The following C3orf62 variants were observed in gnomAD, a reference collection of about 807,000 sequenced individuals.
C3orf62 encodes chromosome 3 open reading frame 62.
In C3orf62, 16 loss-of-function variants were observed where a neutral mutation model predicts 21.7. The ratio of observed to expected loss-of-function variants is 0.74; its 90% CI spans 0.50 to 1.12. The LOEUF (loss-of-function observed/expected upper bound fraction) is 1.12. Among genes scored for constraint, C3orf62 ranks in the 50% most tolerant of loss-of-function variants. C3orf62 has a pLI of 0.00. For synonymous variants in C3orf62, 114 were observed against 117.0 expected, an observed-to-expected ratio of 0.97 and a Z score of 0.17; for missense variants, 310 against 318.8, an observed-to-expected ratio of 0.97 and a Z score of 0.21.
At position 49,276,903 on chromosome 3, in the gene C3orf62, A is replaced by G; in HGVS notation, c.-31T>C. 1 of 1,579,658 alleles carries G rather than the reference A, an allele frequency of 6.3e-7. No individual in the cohort carries two copies. The highest frequency in any genetic ancestry group is 8.6e-7 in the Non-Finnish European group (1 of 1,162,664). On this transcript the variant is annotated 5_prime_UTR_variant, in exon 1 of 3. Transcript: ENST00000343010. ...ATGCACAGGACAACACAATAATGTTACAAATGAGGCTGCAAACTACCCCTG... is the reference window on the plus strand; with the variant it reads ...ATGCACAGGACAACACAATAATGTTGCAAATGAGGCTGCAAACTACCCCTG...
Position 49,276,986 on chromosome 3 carries a change from G to T in C3orf62, c.-114C>A. On this transcript the variant is annotated 5_prime_UTR_variant, in exon 1 of 3. Transcript: ENST00000343010. ...CTATAGCAGGACCCACAACCCTCGGGCTTTCCTCCTGGAGTAGGCGGTTCT... is the reference window on the plus strand; with the variant it reads ...CTATAGCAGGACCCACAACCCTCGGTCTTTCCTCCTGGAGTAGGCGGTTCT... 1.4e-6 allele frequency: 2 copies of T among 1,479,668 alleles called. No individual in the cohort carries two copies. Among genetic ancestry groups the T allele is most frequent in the Non-Finnish European group, 1.8e-6 (2 of 1,118,588 alleles). The allele number at this position is 1,479,668 out of a possible 1,614,324, so 91.7% of individuals were successfully genotyped here. A position where few individuals can be genotyped will look rare whatever the true frequency, so the allele number is the denominator to read the frequency against.
At chr3:49,275,810 G>A (rs1029724101) in intron 1 of C3orf62, among the ~76,000 whole-genome samples, 1 of 151,962 alleles carries the variant, frequency 6.6e-6, no homozygotes, top group African/African-American at 2.4e-5. Context: ...GATTACAAGT[G>A]TGAGCCACCG....
chr3:49,276,376 A>C, intron 1 of C3orf62, 51 bp downstream of exon 1: 1 of 1,543,344 alleles, frequency 6.5e-7, no homozygotes, highest in Non-Finnish European at 8.8e-7. Context: ...ACTTTTTCAG[A>C]AACAAGAATC....
chr3:49,274,969 G>A (rs1379067989), intron 1 of C3orf62, among the ~76,000 whole-genome samples: 3 of 150,770 alleles, frequency 2.0e-5, no homozygotes, highest in Admixed American at 6.6e-5. Flanking sequence ...ACAGGCGGCC[G>A]CAACGGCACC....
chr3:49,270,354 CTTT>C lies in C3orf62; in HGVS notation c.*823_*825del, dbSNP rs551648533. On this transcript the variant is annotated 3_prime_UTR_variant, in exon 3 of 3. Transcript: ENST00000343010. ...CCTGAGATTCAGTTTCCTTTCTTCC[CTTT>C]TTTTTTCTTTTTTTTTTTGAGACAG... is the stretch of plus-strand genomic sequence containing the variant. 251 of 151,108 alleles carry C rather than the reference CTTT, an allele frequency of 1.7e-3. No individual in the cohort carries two copies. Among genetic ancestry groups the C allele is most frequent in the Non-Finnish European group, 2.4e-3 (165 of 67,936 alleles). 9.4% of individuals were successfully genotyped at this position (151,108 alleles called of 1,614,324 possible). A position where few individuals can be genotyped will look rare whatever the true frequency, so the allele number is the denominator to read the frequency against.
Position 49,277,015 on chromosome 3 carries a change from C to G in C3orf62, c.-143G>C. 2.1e-6 allele frequency: 3 copies of G among 1,462,760 alleles called. No individual in the cohort carries two copies. The highest frequency in any genetic ancestry group is 2.7e-6 in the Non-Finnish European group (3 of 1,110,378). The allele number at this position is 1,462,760 out of a possible 1,614,324, so 90.6% of individuals were successfully genotyped here. ...TCCTCCTGGAGTAGGCGGTTCTCGG[C>G]TCTCGCGGAGGAACCCGCCATCTGC... On this transcript the variant is annotated 5_prime_UTR_variant, in exon 1 of 3. Coordinates refer to ENST00000343010, the MANE Select transcript of C3orf62 (RefSeq NM_198562.3).
At chr3:49,271,551 T>C (rs889036779) in intron 2 of C3orf62, 106 bp from the exon 3 acceptor site, 1 of 1,385,812 alleles carries the variant, frequency 7.2e-7, no homozygotes, top group African/African-American at 1.4e-5. Context: ...TCAGGGATTG[T>C]GTAAAAGCAG....
rs1026934375 is a variant in C3orf62 at position 49,270,997 on chromosome 3, T to C, written c.*183A>G. The C allele has an allele frequency of 9.8e-6, 6 of 611,744 alleles. No individual in the cohort carries two copies. The highest frequency in any genetic ancestry group is 1.7e-5 in the Non-Finnish European group (6 of 351,594). 37.9% of individuals were successfully genotyped at this position (611,744 alleles called of 1,614,324 possible). A position where few individuals can be genotyped will look rare whatever the true frequency, so the allele number is the denominator to read the frequency against. On this transcript the variant is annotated 3_prime_UTR_variant, in exon 3 of 3. Coordinates refer to ENST00000343010, the MANE Select transcript of C3orf62 (RefSeq NM_198562.3). Reference sequence around the variant, plus strand: ...AGTAATAGGAAACATTTCAAAGCAATGGAATTCAAAAAACTGGTCTCACAG... The same window carrying C: ...AGTAATAGGAAACATTTCAAAGCAACGGAATTCAAAAAACTGGTCTCACAG...
Position 49,271,354 on chromosome 3 carries a change from T to A in C3orf62, c.630A>T (p.Ser210=). The A allele has an allele frequency of 6.2e-7, 1 of 1,614,222 alleles. No individual in the cohort carries two copies. Among genetic ancestry groups the A allele is most frequent in the Non-Finnish European group, 8.5e-7 (1 of 1,180,044 alleles). Residue 210 remains serine (S), a synonymous_variant, in exon 3 of 3, where the codon TCA becomes TCT. Transcript: ENST00000343010. The part of the protein sequence containing the change: ...LNHMCGHCQD[S]PFKEEAWALL... ...GGGCCCAGGCTTCCTCTTTGAAGGG[T>A]GAATCTTGGCAATGACCACACATGT...
rs550360442 is a variant in C3orf62 at position 49,276,328 on chromosome 3, A to C, written c.446+99T>G. The C allele has an allele frequency of 4.3e-5, 52 of 1,195,816 alleles. 2 individuals are homozygous for C. The South Asian group carries it at 6.9e-4, about 16-fold the overall frequency. The allele number at this position is 1,195,816 out of a possible 1,614,324, so 74.1% of individuals were successfully genotyped here. A position where few individuals can be genotyped will look rare whatever the true frequency, so the allele number is the denominator to read the frequency against. On this transcript the variant is annotated intron_variant, in intron 1 of 2. Transcript: ENST00000343010. ...AGTCACAGAGCTGCCAAGAGGAGGC[A>C]AGAGCACTGTCATGAACTAAATCTA...
Position 49,268,789 on chromosome 3 carries a change from G to A in C3orf62, c.*2391C>T, listed in dbSNP as rs890982454. 1.3e-5 allele frequency: 2 copies of A among 151,402 alleles called. No individual in the cohort carries two copies. The highest frequency in any genetic ancestry group is 4.9e-5 in the African/African-American group (2 of 41,186). 9.4% of individuals were successfully genotyped at this position (151,402 alleles called of 1,614,324 possible). On this transcript the variant is annotated 3_prime_UTR_variant, in exon 3 of 3. Coordinates refer to ENST00000343010, the MANE Select transcript of C3orf62 (RefSeq NM_198562.3). The stretch of plus-strand genomic sequence containing the variant: ...AACAGTCTTTTTTTTTCTTTTTGAG[G>A]TGGAGTCTTGCTTGTTGCCCAGGCT...
Position 49,271,055 on chromosome 3 carries a change from G to C in C3orf62, c.*125C>G, listed in dbSNP as rs765426839. 22 of 899,532 alleles carry C rather than the reference G, an allele frequency of 2.4e-5. No individual in the cohort carries two copies. Among genetic ancestry groups the C allele is most frequent in the Non-Finnish European group, 3.7e-5 (22 of 587,304 alleles). 55.7% of individuals were successfully genotyped at this position (899,532 alleles called of 1,614,324 possible). A position where few individuals can be genotyped will look rare whatever the true frequency, so the allele number is the denominator to read the frequency against. On this transcript the variant is annotated 3_prime_UTR_variant, in exon 3 of 3. Coordinates refer to ENST00000343010, the MANE Select transcript of C3orf62 (RefSeq NM_198562.3). ...AGGGACACAACTGGGATTTAAAAAG[G>C]GTCTGGTAATTCAGGTTCTGCCAAC...
At chr3:49,274,312 T>C (rs1008499590) in intron 1 of C3orf62, 172 bp from the exon 2 acceptor site, 23 of 584,904 alleles carry the variant, frequency 3.9e-5, no homozygotes, top group South Asian at 2.8e-4. Flanking sequence ...AGTGGAGAAA[T>C]TGACTAACAG....
chr3:49,272,534 CTTTTTTTTTTTTTTTT>C (rs746086446), intron 2 of C3orf62, among the ~76,000 whole-genome samples: 2 of 51,842 alleles, frequency 3.9e-5, no homozygotes, highest in Non-Finnish European at 6.6e-5. Flanking sequence ...TTCTCCTAAT[CTTTTTTTTTTTTTTTT>C]TTTTTTTTTT....
In C3orf62 at chr3:49,277,197, T is replaced by A. The variant is rs2046972112; in HGVS notation, c.-325A>T. 1.5e-6 allele frequency: 2 copies of A among 1,352,048 alleles called. No homozygotes were observed. The highest frequency in any genetic ancestry group is 8.4e-5 in the East Asian group (2 of 23,862). The allele number at this position is 1,352,048 out of a possible 1,614,324, so 83.8% of individuals were successfully genotyped here. On this transcript the variant is annotated 5_prime_UTR_variant, in exon 1 of 3. Transcript: ENST00000343010. ...GTCCTTGTCCTCACCCGCAGCGCAG[T>A]GACGCCGACCCATCCAACGGTCATC...
intron 1 of C3orf62, among the ~76,000 whole-genome samples, chr3:49,275,008 C>T (rs1341552435): frequency 1.5e-5 from 2 of 135,128 alleles, no homozygotes; most frequent in Non-Finnish European, 3.2e-5. Context: ...TTAGTAGAGA[C>T]GGGGTTTCAC....
At position 49,276,701 on chromosome 3, in the gene C3orf62, G is replaced by A. The variant is rs1262107435; in HGVS notation, c.172C>T (p.Leu58=). The change falls in exon 1 of 3, where the codon CTG becomes TTG. Residue 58 remains leucine (L), a synonymous_variant. Coordinates refer to ENST00000343010, the MANE Select transcript of C3orf62 (RefSeq NM_198562.3). ...CTGCAGAGGAGCCTGTGCACGGGCA[G>A]CGAGAAGGAGAGCGGCGCGGCGCTC... is the stretch of plus-strand genomic sequence containing the variant. ...ELSAAPLSFS[L]PVHRLLCRRH... 1 of 1,614,220 alleles carries A rather than the reference G, an allele frequency of 6.2e-7. No individual in the cohort carries two copies. Among genetic ancestry groups the A allele is most frequent in the Admixed American group, 1.7e-5 (1 of 60,024 alleles).
chr3:49,273,446 T>C (rs1575594838), intron 2 of C3orf62, among the ~76,000 whole-genome samples: 1 of 151,968 alleles, frequency 6.6e-6, no homozygotes, highest in Non-Finnish European at 1.5e-5. Context: ...GTGGTGGTGG[T>C]GTTTTTTCTT....
rs1369761119 is a variant in C3orf62 at position 49,270,431 on chromosome 3, C to T, written c.*749G>A. On this transcript the variant is annotated 3_prime_UTR_variant, in exon 3 of 3. Coordinates refer to ENST00000343010, the MANE Select transcript of C3orf62 (RefSeq NM_198562.3). The stretch of plus-strand genomic sequence containing the variant: ...GGAGTGCAGTGGCGTGATCTCAGCT[C>T]ACTGCAATCTCTGCCTCCTGGCCTC... 1 of 151,766 alleles carries T rather than the reference C, an allele frequency of 6.6e-6. No individual in the cohort carries two copies. Among genetic ancestry groups the T allele is most frequent in the East Asian group, 1.9e-4 (1 of 5,190 alleles). 9.4% of individuals were successfully genotyped at this position (151,766 alleles called of 1,614,324 possible).
Sources: gnomAD v4.1 joint callset for allele counts (sites outside exome capture counted in the v4.1 genomes callset) on GRCh38, gnomAD v4.1.1 for gene constraint, MANE v1.5 for transcripts, NCBI Gene and HGNC (gene_info 2026-07-23, HGNC 2026-07-21) for gene names.